The following CCP110 variants were observed in gnomAD, a reference collection of about 807,000 sequenced individuals.
CCP110 encodes the protein centriolar coiled-coil protein 110.
CCP110 carries 43 observed loss-of-function variants against 105.5 expected under a neutral mutation model. The ratio of observed to expected loss-of-function variants is 0.41; its 90% CI spans 0.32 to 0.53. CCP110 has a LOEUF of 0.53. Among genes scored for constraint, CCP110 ranks in the 20% least tolerant of loss-of-function variants. The pLI is 0.32. For synonymous variants in CCP110, 353 were observed against 392.1 expected (o/e 0.90, Z 1.18); for missense variants, 1,016 against 1,189.1 (o/e 0.85, Z 2.14).
chr16:19,542,645 A>G, exon 7 of CCP110: 2 of 1,612,560 alleles, frequency 1.2e-6, no homozygotes, highest in Non-Finnish European at 1.7e-6. Context: ...GCCATGCAAT[A>G]TAGCTTTGTT....
chr16:19,536,464 T>C, exon 4 of CCP110: 1 of 1,613,984 alleles, frequency 6.2e-7, no homozygotes. Context: ...ACAAAGAACA[T>C]GATGCTGTTG....
intron 14 of CCP110, among the ~76,000 whole-genome samples, chr16:19,550,931 A>C (rs892927600): frequency 1.4e-4 from 21 of 152,220 alleles, no homozygotes; most frequent in African/African-American, 4.6e-4. Context: ...AAAATGGTTA[A>C]GTAAAATAAC....
Position 19,548,730 on chromosome 16 carries a change from T to A in CCP110, c.2986+130T>A. ...CATAATTTTGGCATATTCACAGTCA[T>A]CTTATTAGTGTTCTTTGGTCTTAGC... On this transcript the variant is annotated intron_variant, in intron 14 of 14. Coordinates refer to ENST00000381396, the Ensembl canonical transcript of CCP110. This position sits in a 1 kb window ranked among gnomAD's most constrained non-coding sequence, Gnocchi z 4.1. 1.7e-6 allele frequency: 1 copy of A among 593,874 alleles called. No homozygotes were observed. The highest frequency in any genetic ancestry group is 2.9e-6 in the Non-Finnish European group (1 of 339,446). 36.8% of individuals were successfully genotyped at this position (593,874 alleles called of 1,614,324 possible). A position where few individuals can be genotyped will look rare whatever the true frequency, so the allele number is the denominator to read the frequency against.
chr16:19,529,158 T>C (rs536148218), intron 2 of CCP110, among the ~76,000 whole-genome samples: 2 of 152,328 alleles, frequency 1.3e-5, no homozygotes, highest in South Asian at 4.1e-4. Context: ...GTACCCAATA[T>C]AAGTTAACCA....
At chr16:19,527,182 G>A (rs1969702447) in intron 1 of CCP110, 1 of 152,056 alleles carries the variant, frequency 6.6e-6, no homozygotes, top group African/African-American at 2.4e-5. Flanking sequence ...CAATCGATTT[G>A]CTCTTTTTTA....
chr16:19,528,959 G>A (rs1426050665), intron 2 of CCP110, among the ~76,000 whole-genome samples: 1 of 152,160 alleles, frequency 6.6e-6, no homozygotes, highest in African/African-American at 2.4e-5. Flanking sequence ...GAAAAAAAAA[G>A]TCTAGGCTGT....
At chr16:19,540,862 A>G in intron 5 of CCP110, 75 bp downstream of exon 5, 2 of 1,348,918 alleles carry the variant, frequency 1.5e-6, no homozygotes, top group Non-Finnish European at 2.0e-6. Flanking sequence ...GGTCATGTAT[A>G]GAATACGTGT....
At chr16:19,536,396 C>G (rs369241568) in exon 4 of CCP110, 31 of 1,612,574 alleles carry the variant, frequency 1.9e-5, no homozygotes, top group Non-Finnish European at 2.5e-5. Flanking sequence ...AGAAAGAGAA[C>G]AATCTAGACG....
At chr16:19,551,026 TC>T (rs1348248613) in intron 14 of CCP110, among the ~76,000 whole-genome samples, 169 bp from the exon 14 acceptor site, 1 of 152,332 alleles carries the variant, frequency 6.6e-6, no homozygotes, top group South Asian at 2.1e-4. Context: ...AGTTTTATTA[TC>T]CTTAAAATGG....
At chr16:19,545,119 A>G (rs1336597371) in exon 10 of CCP110, 15 of 1,610,776 alleles carry the variant, frequency 9.3e-6, no homozygotes, top group Non-Finnish European at 1.3e-5. Flanking sequence ...TACGGTATTC[A>G]TGACATATTC....
At chr16:19,536,390 A>G in exon 4 of CCP110, 1 of 1,613,046 alleles carries the variant, frequency 6.2e-7, no homozygotes. Context: ...ATATATAGAA[A>G]GAGAACAATC....
intron 1 of CCP110, chr16:19,526,346 T>C (rs1425180962): frequency 6.6e-6 from 1 of 152,228 alleles, no homozygotes; most frequent in African/African-American, 2.4e-5. Context: ...TGTGTATTGC[T>C]GAATGCATGG....
At chr16:19,530,389 A>C (rs1438890081) in intron 2 of CCP110, among the ~76,000 whole-genome samples, 9 of 151,672 alleles carry the variant, frequency 5.9e-5, no homozygotes, top group Non-Finnish European at 1.0e-4. Context: ...GAATTCTTTG[A>C]AGATAGGGCT....
chr16:19,537,140 G>A (rs781615627), exon 4 of CCP110: 41 of 1,614,024 alleles, frequency 2.5e-5, no homozygotes, highest in Middle Eastern at 1.6e-4. Context: ...TGAGAGAGGC[G>A]CACACATAAT....
At chr16:19,528,976 T>G (rs1969772494) in intron 2 of CCP110, among the ~76,000 whole-genome samples, 1 of 152,216 alleles carries the variant, frequency 6.6e-6, no homozygotes, top group Admixed American at 6.5e-5. Flanking sequence ...CTGTGGAGCC[T>G]TCTGGCCTGG....
Position 19,548,690 on chromosome 16 carries a change from G to A in CCP110, c.2986+90G>A, listed in dbSNP as rs1406910024. The A allele has an allele frequency of 1.8e-5, 14 of 764,958 alleles. No individual in the cohort carries two copies. The highest frequency in any genetic ancestry group is 1.4e-4 in the East Asian group (5 of 36,592). 47.4% of individuals were successfully genotyped at this position (764,958 alleles called of 1,614,324 possible). The stretch of plus-strand genomic sequence containing the variant: ...TCAGGCCATAGAAGTGGAATAGATT[G>A]TCTTTCCTTGCCACCATAATTTTGG... On this transcript the variant is annotated intron_variant, in intron 14 of 14. Transcript: ENST00000381396. The surrounding 1 kb of genome is among the most constrained non-coding windows in gnomAD (Gnocchi z 4.1).
Position 19,548,137 on chromosome 16 carries a change from A to C in CCP110, c.2900+123A>C, listed in dbSNP as rs7204821. ...TTTTTCAATGGGATTTTTTTTCTTT[A>C]TAGCATTGGGAAAGATATTTTAAAG... On this transcript the variant is annotated intron_variant, in intron 13 of 14. Transcript: ENST00000381396. The surrounding 1 kb of genome is among the most constrained non-coding windows in gnomAD (Gnocchi z 4.1). The C allele has an allele frequency of 0.032, 24,348 of 766,010 alleles. 515 individuals are homozygous for C. Among genetic ancestry groups the C allele is most frequent in the Non-Finnish European group, 0.042 (18,246 of 438,588 alleles). 47.5% of individuals were successfully genotyped at this position (766,010 alleles called of 1,614,324 possible).
chr16:19,536,539 T>C, exon 4 of CCP110: 1 of 1,614,166 alleles, frequency 6.2e-7, no homozygotes, highest in Non-Finnish European at 8.5e-7. Context: ...CAGTTATTCC[T>C]GACAAACCAA....
At chr16:19,536,683 T>A in exon 4 of CCP110, 1 of 1,614,198 alleles carries the variant, frequency 6.2e-7, no homozygotes, top group Non-Finnish European at 8.5e-7. Flanking sequence ...TAGAGTCTAA[T>A]TCTGATTTTA....
Sources: allele counts gnomAD v4.1 joint callset (sites outside exome capture counted in the v4.1 genomes callset), GRCh38; gene constraint gnomAD v4.1.1; non-coding constraint Gnocchi (gnomAD v3.1); transcripts MANE v1.5; gene names NCBI Gene and HGNC (gene_info 2026-07-23, HGNC 2026-07-21).